Variants in OSBPL10 observed in about 807,000 individuals in gnomAD.
OSBPL10 encodes the protein oxysterol binding protein like 10.
In OSBPL10, 49 loss-of-function variants were observed where a neutral mutation model predicts 81.7. That is an observed-to-expected ratio of 0.60 (90% confidence interval 0.48 to 0.76). OSBPL10 has a LOEUF of 0.76. OSBPL10 is among the 30% of genes least tolerant of loss of function. The pLI is 0.00. For missense variants in OSBPL10, 923 were observed against 987.8 expected (o/e 0.93, Z 0.88); for synonymous variants, 419 against 383.6 (o/e 1.09, Z -1.08).
chr3:31,996,551 T>C (rs1024070936), intron 2 of OSBPL10, among the ~76,000 whole-genome samples: 7 of 152,280 alleles, frequency 4.6e-5, no homozygotes, highest in Middle Eastern at 6.8e-3. Context: ...GATTTAAGAA[T>C]TGACTTTCCC....
intron 6 of OSBPL10, among the ~76,000 whole-genome samples, chr3:31,703,031 T>A (rs1007569334): frequency 6.6e-6 from 1 of 152,206 alleles, no homozygotes; most frequent in Non-Finnish European, 1.5e-5. Flanking sequence ...ATGCTGAGAA[T>A]TGGCATTAAT....
intron 7 of OSBPL10, among the ~76,000 whole-genome samples, chr3:31,692,878 G>A (rs927999667): frequency 2.6e-5 from 4 of 152,234 alleles, no homozygotes; most frequent in Admixed American, 1.3e-4. Context: ...CAAGGGGCCT[G>A]AAGACTACCA....
rs368805853 is a variant in OSBPL10, at chr3:31,989,675, C to T, written n.298+56816G>A. On this transcript the variant is annotated intron_variant and non_coding_transcript_variant, in intron 2 of 3. Transcript: ENST00000479173. Reference sequence around the variant, plus strand: ...ACGTCCCAAAGAATTTCTTCTAGGCCCAAAATCCATATTTCTAATAACTAT... The same window carrying T: ...ACGTCCCAAAGAATTTCTTCTAGGCTCAAAATCCATATTTCTAATAACTAT... 3.0e-5 allele frequency: 49 copies of T among 1,613,874 alleles called. No homozygotes were observed. The African/African-American group carries it at 5.9e-4, about 19-fold the overall frequency.
At chr3:31,824,988 C>G (rs1373943624) in intron 4 of OSBPL10, among the ~76,000 whole-genome samples, 1 of 152,106 alleles carries the variant, frequency 6.6e-6, no homozygotes, top group Non-Finnish European at 1.5e-5. Context: ...GGCCTCCCAA[C>G]AGAGGAGGTC....
intron 5 of OSBPL10, among the ~76,000 whole-genome samples, chr3:31,736,848 G>A (rs1401699661): frequency 6.6e-6 from 1 of 152,130 alleles, no homozygotes; most frequent in African/African-American, 2.4e-5. Context: ...AGTAAGCCAT[G>A]ATCATGCCAC....
rs1443567779 is a variant in OSBPL10, at chr3:32,065,700, G to A, written n.185+11696C>T. On this transcript the variant is annotated intron_variant and non_coding_transcript_variant, in intron 1 of 3. Transcript: ENST00000479173. ...AGTTCAAGACCAGCCTTGCCAACAT[G>A]GTGAAACTCCATCTCTACAAAAAAT... Among the ~76,000 whole-genome samples the A allele has an allele frequency of 3.3e-5, 3 of 90,034 alleles. 1 individual carries two copies. Among genetic ancestry groups the A allele is most frequent in the African/African-American group, 8.6e-5 (3 of 34,930 alleles). The allele number at this position is 90,034 out of a possible 152,430, so 59.1% of individuals were successfully genotyped here. A position where few individuals can be genotyped will look rare whatever the true frequency, so the allele number is the denominator to read the frequency against.
intron 5 of OSBPL10, among the ~76,000 whole-genome samples, chr3:31,739,082 C>T (rs1461321251): frequency 5.3e-5 from 8 of 152,150 alleles, no homozygotes; most frequent in Admixed American, 4.6e-4. Context: ...AGACAGGATG[C>T]CACTATGTTG....
intron 3 of OSBPL10, among the ~76,000 whole-genome samples, chr3:31,830,872 T>C (rs1700223334): frequency 6.6e-6 from 1 of 152,204 alleles, no homozygotes; most frequent in Non-Finnish European, 1.5e-5. Flanking sequence ...TGTTTACATT[T>C]CATCCTGTGG....
intron 2 of OSBPL10, among the ~76,000 whole-genome samples, chr3:32,028,569 T>C (rs1033171585): frequency 4.6e-5 from 7 of 152,118 alleles, no homozygotes; most frequent in African/African-American, 1.4e-4. Flanking sequence ...AATATACACA[T>C]CAAATTGCAA....
chr3:32,011,589 G>T (rs147985953), intron 2 of OSBPL10, among the ~76,000 whole-genome samples: 347 of 152,356 alleles, frequency 2.3e-3, no homozygotes, highest in African/African-American at 7.9e-3. Context: ...AAGCTGGACG[G>T]AGAATGACTT....
At chr3:31,892,221 G>A (rs1399632069) in intron 1 of OSBPL10, among the ~76,000 whole-genome samples, 1 of 151,998 alleles carries the variant, frequency 6.6e-6, no homozygotes, top group Non-Finnish European at 1.5e-5. Context: ...GACGGAGTGG[G>A]GAGAGGGAAT....
At chr3:31,801,410 C>G (rs947724323) in intron 4 of OSBPL10, among the ~76,000 whole-genome samples, 2 of 152,182 alleles carry the variant, frequency 1.3e-5, no homozygotes, top group African/African-American at 4.8e-5. Flanking sequence ...CCTCCTGTAA[C>G]CCTTGCCCCA....
chr3:31,894,484 T>A (rs974073287), intron 1 of OSBPL10, among the ~76,000 whole-genome samples: 7 of 152,242 alleles, frequency 4.6e-5, no homozygotes, highest in Non-Finnish European at 1.0e-4. Context: ...TTTGTGACCA[T>A]ACACTCATCT....
At chr3:31,870,472 A>G (rs1018994201) in intron 3 of OSBPL10, among the ~76,000 whole-genome samples, 1 of 152,202 alleles carries the variant, frequency 6.6e-6, no homozygotes, top group Non-Finnish European at 1.5e-5. Flanking sequence ...ACCCAGTCCT[A>G]TCAACCACCC....
At chr3:31,815,985 C>G (rs575637176) in intron 4 of OSBPL10, among the ~76,000 whole-genome samples, 125 of 152,350 alleles carry the variant, frequency 8.2e-4, no homozygotes, top group Admixed American at 1.3e-3. Flanking sequence ...ACTTAGCTTC[C>G]TTCTGCCTGC....
chr3:31,969,771 C>T (rs1698499658), intron 1 of OSBPL10, among the ~76,000 whole-genome samples: 1 of 151,994 alleles, frequency 6.6e-6, no homozygotes, highest in African/African-American at 2.4e-5. Context: ...AGGAGAATAG[C>T]TTGAACCTGG....
At chr3:31,715,012 C>T (rs1311815901) in intron 6 of OSBPL10, 4 of 150,690 alleles carry the variant, frequency 2.7e-5, no homozygotes, top group Non-Finnish European at 5.9e-5. Context: ...TCAGTTGCTT[C>T]CCACTGCCCA....
chr3:31,741,075 G>A lies in OSBPL10; in HGVS notation c.940+6835C>T, dbSNP rs557662430. On this transcript the variant is annotated intron_variant, in intron 5 of 11. Transcript: ENST00000396556. ...TTTTAAGCCTTGCTTAGAGTGTTGA[G>A]ACCTACAAGGCCCCTGCAAGGTCTT... is the stretch of plus-strand genomic sequence containing the variant. Among the ~76,000 whole-genome samples, 172 of 152,234 alleles carry A rather than the reference G, an allele frequency of 1.1e-3. 1 individual carries two copies. The highest frequency in any genetic ancestry group is 3.4e-3 in the Middle Eastern group (1 of 292).
chr3:31,666,881 CAG>C (rs1247495643), intron 10 of OSBPL10, among the ~76,000 whole-genome samples: 2 of 152,120 alleles, frequency 1.3e-5, no homozygotes, highest in Non-Finnish European at 2.9e-5. Flanking sequence ...CTGCAGGTAA[CAG>C]AAACTAAAGA....
Sources: gnomAD v4.1 joint callset for allele counts (sites outside exome capture counted in the v4.1 genomes callset) on GRCh38, gnomAD v4.1.1 for gene constraint, MANE v1.5 for transcripts, NCBI Gene and HGNC (gene_info 2026-07-23, HGNC 2026-07-21) for gene names.